The following CDKAL1 variants were observed in gnomAD, a reference collection of about 807,000 sequenced individuals.
The protein encoded by CDKAL1 is CDKAL1 threonylcarbamoyladenosine tRNA methylthiotransferase, also known as threonylcarbamoyladenosine tRNA methylthiotransferase.
A neutral mutation model predicts 68.2 loss-of-function variants in CDKAL1; 32 were observed. The ratio of observed to expected loss-of-function variants is 0.47; its 90% confidence interval spans 0.35 to 0.63. The LOEUF is 0.63. Ranked by LOEUF, CDKAL1 falls within the 30% of genes least tolerant of loss-of-function variation. CDKAL1 has a pLI of 0.00. For synonymous variants in CDKAL1, 234 were observed against 244.3 expected, an observed-to-expected ratio of 0.96 and a Z score of 0.39; for missense variants, 606 against 696.7, an observed-to-expected ratio of 0.87 and a Z score of 1.47.
chr6:20,854,036 C>G (rs1440902009), intron 9 of CDKAL1, among the ~76,000 whole-genome samples: 2 of 152,168 alleles, frequency 1.3e-5, no homozygotes, highest in African/African-American at 4.8e-5. Context: ...AAAAGGATGG[C>G]TGACATTTAT....
intron 9 of CDKAL1, among the ~76,000 whole-genome samples, chr6:20,921,298 G>A (rs1208270450): frequency 3.3e-5 from 5 of 152,058 alleles, no homozygotes; most frequent in Non-Finnish European, 5.9e-5. Flanking sequence ...GCATGGTGGC[G>A]TGCGCCTGTA....
chr6:20,675,962 A>G (rs1232514034), intron 5 of CDKAL1, among the ~76,000 whole-genome samples: 2 of 152,094 alleles, frequency 1.3e-5, no homozygotes, highest in Non-Finnish European at 2.9e-5. Context: ...GATGATCCTG[A>G]CCCTGTTCAG....
intron 15 of CDKAL1, among the ~76,000 whole-genome samples, chr6:21,212,437 C>G (rs1356261396): frequency 6.6e-6 from 1 of 152,098 alleles, no homozygotes; most frequent in Non-Finnish European, 1.5e-5. Flanking sequence ...AGTAATCTTG[C>G]AAATGGAAAT....
chr6:20,845,723 C>T (rs1016050972), intron 8 of CDKAL1, among the ~76,000 whole-genome samples: 2 of 152,030 alleles, frequency 1.3e-5, no homozygotes, highest in Non-Finnish European at 2.9e-5. Context: ...GTTATGATGG[C>T]CAAAGTAATG....
intron 11 of CDKAL1, among the ~76,000 whole-genome samples, chr6:21,045,448 G>T (rs773023356): frequency 2.5e-4 from 38 of 152,172 alleles, no homozygotes; most frequent in Non-Finnish European, 3.2e-4. Context: ...CTGACTCTGA[G>T]TCAGGGGCTA....
chr6:20,672,164 C>T (rs1769848528), intron 5 of CDKAL1, among the ~76,000 whole-genome samples: 1 of 149,762 alleles, frequency 6.7e-6, no homozygotes, highest in South Asian at 2.1e-4. Context: ...CTCCTTCTGC[C>T]TCTCCCTCTC....
intron 11 of CDKAL1, among the ~76,000 whole-genome samples, chr6:21,047,760 G>A (rs1470756602): frequency 2.0e-5 from 3 of 152,100 alleles, no homozygotes; most frequent in Admixed American, 6.6e-5. Context: ...TACAAAGGAG[G>A]GACTGTGAAT....
intron 4 of CDKAL1, among the ~76,000 whole-genome samples, chr6:20,643,580 T>C (rs1489883844): frequency 6.6e-6 from 1 of 152,208 alleles, no homozygotes; most frequent in East Asian, 1.9e-4. Context: ...GGAATCACCA[T>C]TATTTATTGG....
intron 13 of CDKAL1, among the ~76,000 whole-genome samples, chr6:21,121,992 C>T (rs914318699): frequency 1.3e-5 from 2 of 152,198 alleles, no homozygotes; most frequent in African/African-American, 2.4e-5. Context: ...ACCTCTAGAC[C>T]TTATCACAAA....
chr6:20,924,603 A>G (rs950329621), intron 9 of CDKAL1, among the ~76,000 whole-genome samples: 1 of 152,236 alleles, frequency 6.6e-6, no homozygotes, highest in Non-Finnish European at 1.5e-5. Context: ...CTCTTAAGCT[A>G]AAGTCTAATC....
intron 12 of CDKAL1, among the ~76,000 whole-genome samples, chr6:21,097,256 G>A (rs1773362533): frequency 6.6e-6 from 1 of 152,144 alleles, no homozygotes; most frequent in African/African-American, 2.4e-5. Context: ...GATTACCTGA[G>A]GTCAGGAGTT....
At chr6:20,735,976 T>G (rs1471654945) in intron 5 of CDKAL1, among the ~76,000 whole-genome samples, 1 of 152,226 alleles carries the variant, frequency 6.6e-6, no homozygotes, top group African/African-American at 2.4e-5. Flanking sequence ...ACTATCACTT[T>G]GAAATCTATC....
intron 12 of CDKAL1, among the ~76,000 whole-genome samples, chr6:21,084,931 A>C (rs989339200): frequency 2.6e-5 from 4 of 152,168 alleles, no homozygotes; most frequent in African/African-American, 9.7e-5. Context: ...TCTTCTCTCT[A>C]GGTTAACCCA....
intron 7 of CDKAL1, among the ~76,000 whole-genome samples, chr6:20,778,916 G>A (rs963450315): frequency 6.6e-6 from 1 of 152,120 alleles, no homozygotes; most frequent in Non-Finnish European, 1.5e-5. Flanking sequence ...CCCTCACAGA[G>A]ACGTTCAGAA....
intron 4 of CDKAL1, among the ~76,000 whole-genome samples, chr6:20,627,596 A>G (rs1581850707): frequency 6.6e-6 from 1 of 152,132 alleles, no homozygotes. Flanking sequence ...TAAATTTTAG[A>G]ATAAGTTTGT....
At chr6:20,778,560 T>C (rs1473079983) in intron 7 of CDKAL1, among the ~76,000 whole-genome samples, 1 of 152,184 alleles carries the variant, frequency 6.6e-6, no homozygotes, top group Non-Finnish European at 1.5e-5. Context: ...CCATGGAGGC[T>C]GAGAAGTCCC....
chr6:20,941,066 G>A (rs982751204), intron 9 of CDKAL1, among the ~76,000 whole-genome samples: 1 of 149,470 alleles, frequency 6.7e-6, no homozygotes, highest in East Asian at 2.0e-4. Flanking sequence ...TAGCCTGGGC[G>A]ACAGACGGAG....
At chr6:20,889,265 A>G (rs1324716364) in intron 9 of CDKAL1, among the ~76,000 whole-genome samples, 1 of 151,680 alleles carries the variant, frequency 6.6e-6, no homozygotes, top group Non-Finnish European at 1.5e-5. Flanking sequence ...TAGATTCTGG[A>G]TATTAGCCCT....
intron 4 of CDKAL1, among the ~76,000 whole-genome samples, chr6:20,610,553 C>A (rs1766574332): frequency 6.6e-6 from 1 of 151,754 alleles, no homozygotes; most frequent in African/African-American, 2.4e-5. Context: ...TGTTTTTGCC[C>A]AGTCTTCCCT....
Sources: allele counts gnomAD v4.1 joint callset (sites outside exome capture counted in the v4.1 genomes callset), GRCh38; gene constraint gnomAD v4.1.1; transcripts MANE v1.5; gene names NCBI Gene and HGNC (gene_info 2026-07-23, HGNC 2026-07-21).